The following ARHGAP44 variants were observed in gnomAD, a reference collection of about 807,000 sequenced individuals.
ARHGAP44 encodes Rho GTPase activating protein 44.
In ARHGAP44, 43 loss-of-function variants were observed where a neutral mutation model predicts 106.8. The observed-to-expected ratio is 0.40, with a 90% CI of 0.32 to 0.52. The LOEUF is 0.52. Among genes scored for constraint, ARHGAP44 ranks in the 20% least tolerant of loss-of-function variants. The pLI is 0.48. For synonymous variants in ARHGAP44, 439 were observed against 410.3 expected (o/e 1.07, Z -0.85); for missense variants, 866 against 1,050.5 (o/e 0.82, Z 2.43).
intron 4 of ARHGAP44, among the ~76,000 whole-genome samples, chr17:12,913,287 A>G (rs372603093): frequency 7.9e-5 from 12 of 152,292 alleles, no homozygotes; most frequent in African/African-American, 1.2e-4. Flanking sequence ...ATCTTAACAG[A>G]CAAACTAGGA....
At chr17:12,915,342 C>T (rs1304748868) in intron 4 of ARHGAP44, among the ~76,000 whole-genome samples, 1 of 152,192 alleles carries the variant, frequency 6.6e-6, no homozygotes, top group East Asian at 1.9e-4. Context: ...TAGAATTTAA[C>T]ATCTTTGAAA....
At chr17:12,981,928 T>G (rs2039842314) in intron 19 of ARHGAP44, among the ~76,000 whole-genome samples, 1 of 152,104 alleles carries the variant, frequency 6.6e-6, no homozygotes, top group South Asian at 2.1e-4. Context: ...CAAGAATTGC[T>G]TGAACCTGGG....
At chr17:12,901,511 A>G (rs2037374760) in intron 3 of ARHGAP44, among the ~76,000 whole-genome samples, 1 of 152,174 alleles carries the variant, frequency 6.6e-6, no homozygotes, top group Non-Finnish European at 1.5e-5. Context: ...GTGAGATGCA[A>G]CGAGGACCTG....
intron 16 of ARHGAP44, chr17:12,972,895 T>C: frequency 6.2e-6 from 1 of 161,866 alleles, no homozygotes; most frequent in Non-Finnish European, 1.3e-5. Context: ...TCTCCTGACC[T>C]CATGATCCAC....
chr17:12,989,646 C>T (rs1004779622), intron 20 of ARHGAP44, among the ~76,000 whole-genome samples: 29 of 152,142 alleles, frequency 1.9e-4, no homozygotes, highest in African/African-American at 3.9e-4. Context: ...CACTGTCTCA[C>T]GTCCTGTCCC....
chr17:12,939,904 A>G (rs2038659956), intron 7 of ARHGAP44, among the ~76,000 whole-genome samples: 1 of 152,218 alleles, frequency 6.6e-6, no homozygotes, highest in African/African-American at 2.4e-5. Context: ...TGCCTTGTGT[A>G]CAAGAACTCT....
chr17:12,882,456 T>C (rs77801700), intron 1 of ARHGAP44, among the ~76,000 whole-genome samples: 3,778 of 152,252 alleles, frequency 0.025, 156 homozygotes, highest in African/African-American at 0.086. Context: ...TTTTAGTTGC[T>C]TACTGAGCTG....
chr17:12,940,219 C>G (rs1014324763), intron 7 of ARHGAP44, among the ~76,000 whole-genome samples: 2 of 108,582 alleles, frequency 1.8e-5, no homozygotes, highest in Non-Finnish European at 3.8e-5. Context: ...GATCTGCAGC[C>G]TAGAGCAGCT....
chr17:12,902,874 A>G lies in ARHGAP44; in HGVS notation c.199-6023A>G, dbSNP rs529088597. On this transcript the variant is annotated intron_variant, in intron 3 of 20. Transcript: ENST00000379672. ...GGTAAAGCACGTACATGCCTTGTGC[A>G]ATGTTAACTTAAGTAAATATTAAAG... Among the ~76,000 whole-genome samples, 3 of 152,274 alleles carry G rather than the reference A, an allele frequency of 2.0e-5. No individual in the cohort carries two copies. In the South Asian group the frequency reaches 6.2e-4, roughly 32 times the overall value.
chr17:12,981,340 G>GTCC (rs2039823776), intron 19 of ARHGAP44, among the ~76,000 whole-genome samples: 1 of 152,102 alleles, frequency 6.6e-6, no homozygotes, highest in African/African-American at 2.4e-5. Context: ...CAGCATCTCA[G>GTCC]AGCATTTCTC....
chr17:12,798,373 A>G (rs1367109073), intron 1 of ARHGAP44, among the ~76,000 whole-genome samples: 2 of 152,216 alleles, frequency 1.3e-5, no homozygotes, highest in African/African-American at 4.8e-5. Context: ...TTTCTTTGAC[A>G]TCAAAGTTAA....
At chr17:12,892,704 T>A (rs2150915365) in intron 1 of ARHGAP44, among the ~76,000 whole-genome samples, 1 of 152,220 alleles carries the variant, frequency 6.6e-6, no homozygotes, top group African/African-American at 2.4e-5. Flanking sequence ...TGCCCTGTTG[T>A]TCAGATTGGA....
At chr17:12,939,639 G>A (rs2038650859) in intron 7 of ARHGAP44, among the ~76,000 whole-genome samples, 1 of 151,934 alleles carries the variant, frequency 6.6e-6, no homozygotes, top group South Asian at 2.1e-4. Flanking sequence ...CTAATTTTTT[G>A]TATTTTTTAG....
chr17:12,889,819 C>A (rs764362705), intron 1 of ARHGAP44, among the ~76,000 whole-genome samples: 1 of 152,100 alleles, frequency 6.6e-6, no homozygotes, highest in Non-Finnish European at 1.5e-5. Context: ...CCTTAAAATG[C>A]AGTGGAGGGA....
At chr17:12,885,671 T>A (rs73978269) in intron 1 of ARHGAP44, among the ~76,000 whole-genome samples, 8,846 of 152,272 alleles carry the variant, frequency 0.058, 837 homozygotes, top group African/African-American at 0.2. Context: ...CTTCATTGGT[T>A]AAGTTTTTAT....
At chr17:12,853,948 C>T (rs749125109) in intron 1 of ARHGAP44, among the ~76,000 whole-genome samples, 4 of 152,200 alleles carry the variant, frequency 2.6e-5, no homozygotes, top group Non-Finnish European at 5.9e-5. Context: ...GGCCCCAGCT[C>T]ATTCTGTTCC....
chr17:12,938,592 A>AAC (rs2038617240), intron 7 of ARHGAP44, among the ~76,000 whole-genome samples: 1 of 151,450 alleles, frequency 6.6e-6, no homozygotes, highest in African/African-American at 2.4e-5. Context: ...TAAAAAAAAA[A>AAC]AAAAAAAAAA....
rs1414762654 is a variant in ARHGAP44, at chr17:12,980,189, C to G, written c.1895C>G (p.Pro632Arg). Reference sequence around the variant, plus strand: ...GCTCAGCCGGGCGCCAGCCCCAGCCCCAGCCAGCCGCCTGCAGACCAGAGT... The same window carrying G: ...GCTCAGCCGGGCGCCAGCCCCAGCCGCAGCCAGCCGCCTGCAGACCAGAGT... ...PGAQPGASPS[P>R]SQPPADQSPH... The change falls in exon 19 of 21, where the codon CCC becomes CGC. Residue 632 changes from proline (P) to arginine (R), a missense_variant. Coordinates refer to ENST00000379672, the MANE Select transcript of ARHGAP44 (RefSeq NM_014859.6). 1.9e-6 allele frequency: 3 copies of G among 1,613,532 alleles called. No individual in the cohort carries two copies. The highest frequency in any genetic ancestry group is 2.5e-6 in the Non-Finnish European group (3 of 1,179,866).
chr17:12,968,703 C>G (rs1295902296), intron 16 of ARHGAP44, among the ~76,000 whole-genome samples: 1 of 151,964 alleles, frequency 6.6e-6, no homozygotes, highest in Non-Finnish European at 1.5e-5. Flanking sequence ...AACTCCAGTC[C>G]TCATTTTTTT....
Sources: allele counts gnomAD v4.1 joint callset (sites outside exome capture counted in the v4.1 genomes callset), GRCh38; gene constraint gnomAD v4.1.1; transcripts MANE v1.5; gene names NCBI Gene and HGNC (gene_info 2026-07-23, HGNC 2026-07-21).